The following CHODL variants were observed in gnomAD, a reference collection of about 807,000 sequenced individuals.
CHODL encodes transmembrane protein MT75.
CHODL carries 29 observed loss-of-function variants against 34.5 expected under a neutral mutation model. The observed-to-expected ratio is 0.84, with a 90% CI of 0.63 to 1.15. The LOEUF (loss-of-function observed/expected upper bound fraction) is 1.15. Among genes scored for constraint, CHODL ranks in the 50% most tolerant of loss-of-function variants. CHODL has a pLI of 0.00. For missense variants in CHODL, 332 were observed against 332.5 expected (o/e 1.00, Z 0.01); for synonymous variants, 125 against 116.1 (o/e 1.08, Z -0.49).
intron 1 of CHODL, among the ~76,000 whole-genome samples, chr21:17,951,245 C>A (rs1040926019): frequency 1.3e-5 from 2 of 151,926 alleles, no homozygotes; most frequent in African/African-American, 4.8e-5. Context: ...AGCCTAGGAT[C>A]CAATTTCCTG....
intron 2 of CHODL, among the ~76,000 whole-genome samples, chr21:18,104,456 G>GTGTGAGTCAAC (rs1421871549): frequency 6.6e-6 from 1 of 152,168 alleles, no homozygotes; most frequent in Non-Finnish European, 1.5e-5. Context: ...CCATGCTGAA[G>GTGTGAGTCAAC]TGTGAGTCAA....
rs1491554585 is a variant in CHODL, at chr21:18,084,919, TAG to T, written c.-45+56949_-45+56950del. On this transcript the variant is annotated intron_variant, in intron 2 of 6. Transcript: ENST00000400127. ...CTATCTCTTTTGTTAGGTCTAGTAATAGTGTGTGTGTGTGTGTGTGTGTGTGT... is the reference window on the plus strand; with the variant it reads ...CTATCTCTTTTGTTAGGTCTAGTAATTGTGTGTGTGTGTGTGTGTGTGTGT... Among the ~76,000 whole-genome samples the T allele has an allele frequency of 3.0e-3, 381 of 128,262 alleles. 1 individual carries two copies. Among genetic ancestry groups the T allele is most frequent in the Non-Finnish European group, 4.4e-3 (287 of 64,920 alleles). The allele number at this position is 128,262 out of a possible 152,430, so 84.1% of individuals were successfully genotyped here.
At chr21:18,101,398 A>G (rs1000456096) in intron 2 of CHODL, among the ~76,000 whole-genome samples, 3 of 152,140 alleles carry the variant, frequency 2.0e-5, no homozygotes, top group African/African-American at 7.2e-5. Flanking sequence ...TTGCAGTTTT[A>G]AAGGTGTGCT....
intron 1 of CHODL, among the ~76,000 whole-genome samples, chr21:18,012,174 T>A (rs2064025426): frequency 6.6e-6 from 1 of 152,186 alleles, no homozygotes; most frequent in Non-Finnish European, 1.5e-5. Context: ...GTGTGAGTGT[T>A]TGGGCATTCA....
intron 2 of CHODL, among the ~76,000 whole-genome samples, chr21:18,066,723 T>G (rs1356991721): frequency 6.6e-6 from 1 of 152,196 alleles, no homozygotes; most frequent in African/African-American, 2.4e-5. Flanking sequence ...TGTGACTTTA[T>G]TTAGAGATAG....
At chr21:18,114,541 C>T (rs1215508195) in intron 2 of CHODL, among the ~76,000 whole-genome samples, 1 of 152,156 alleles carries the variant, frequency 6.6e-6, no homozygotes, top group Non-Finnish European at 1.5e-5. Flanking sequence ...CAACCTCTGT[C>T]TCCTCGGTTT....
At chr21:18,247,526 C>T (rs2406172) in intron 1 of CHODL, among the ~76,000 whole-genome samples, 42,436 of 151,758 alleles carry the variant, frequency 0.28, 7,758 homozygotes, top group African/African-American at 0.52. Context: ...AGAGCATTAC[C>T]TAAAAATAAA....
At chr21:17,954,223 TAA>T (rs927950785) in intron 1 of CHODL, among the ~76,000 whole-genome samples, 1 of 152,108 alleles carries the variant, frequency 6.6e-6, no homozygotes, top group Non-Finnish European at 1.5e-5. Flanking sequence ...TGGGAAGGCA[TAA>T]AAGTCTTAAG....
chr21:17,958,136 T>C (rs982855832), intron 1 of CHODL, among the ~76,000 whole-genome samples: 1 of 152,182 alleles, frequency 6.6e-6, no homozygotes, highest in South Asian at 2.1e-4. Flanking sequence ...GTTTCCTTGG[T>C]CAAGATGAAG....
At position 18,125,174 on chromosome 21, in the gene CHODL, C is replaced by T. The variant is rs376200162; in HGVS notation, c.-45+97203C>T. Among the ~76,000 whole-genome samples the T allele has an allele frequency of 5.1e-4, 77 of 152,224 alleles. 2 individuals are homozygous for T. The South Asian group carries it at 0.014, about 28-fold the overall frequency. ...TTATGATAAACAAAAAGCTAGCAAA[C>T]AAAAAGTACTTTAGAGCACTGCTAT... On this transcript the variant is annotated intron_variant, in intron 2 of 6. Transcript: ENST00000400127.
At chr21:18,212,700 T>C (rs963823445) in intron 2 of CHODL, among the ~76,000 whole-genome samples, 3 of 152,138 alleles carry the variant, frequency 2.0e-5, no homozygotes, top group African/African-American at 7.2e-5. Context: ...GGAAAAGTTT[T>C]ATAGAAAGCT....
In CHODL at chr21:18,098,616, A is replaced by G. The variant is rs572483258; in HGVS notation, c.-45+70645A>G. On this transcript the variant is annotated intron_variant, in intron 2 of 6. Coordinates refer to the CHODL transcript ENST00000400127. ...TGTGGAGAGAAGAGAACCCTCATAT[A>G]CTGTTGGTGGCAATGTAAATTATTA... is the stretch of plus-strand genomic sequence containing the variant. 8.5e-5 allele frequency among the ~76,000 whole-genome samples: 13 copies of G among 152,260 alleles called. No individual in the cohort carries two copies. The East Asian group carries it at 9.7e-4, about 11-fold the overall frequency.
chr21:18,133,781 T>A (rs1445835053), intron 2 of CHODL, among the ~76,000 whole-genome samples: 2 of 152,136 alleles, frequency 1.3e-5, no homozygotes, highest in African/African-American at 4.8e-5. Flanking sequence ...ACGGGGGTGA[T>A]AGGAATCTTT....
intron 1 of CHODL, among the ~76,000 whole-genome samples, chr21:17,968,675 A>G (rs2063591806): frequency 6.6e-6 from 1 of 152,188 alleles, no homozygotes; most frequent in South Asian, 2.1e-4. Flanking sequence ...CACAGTGACA[A>G]TCACATGGTG....
intron 2 of CHODL, among the ~76,000 whole-genome samples, chr21:18,082,999 T>C (rs2064960596): frequency 6.6e-6 from 1 of 151,784 alleles, no homozygotes; most frequent in Non-Finnish European, 1.5e-5. Context: ...GAACCAAATG[T>C]TAATTGCCAA....
chr21:18,058,496 A>C (rs1734003965), intron 2 of CHODL, among the ~76,000 whole-genome samples: 3 of 152,108 alleles, frequency 2.0e-5, no homozygotes, highest in Admixed American at 2.0e-4. Context: ...GCATATATAC[A>C]CAATGGCCAT....
chr21:17,948,116 C>T (rs989511032), intron 1 of CHODL, among the ~76,000 whole-genome samples: 2 of 152,154 alleles, frequency 1.3e-5, no homozygotes, highest in Middle Eastern at 3.4e-3. Context: ...CACAGACATA[C>T]AGAGTGGAAT....
At chr21:18,037,260 A>G (rs573291194) in intron 2 of CHODL, among the ~76,000 whole-genome samples, 8 of 152,074 alleles carry the variant, frequency 5.3e-5, no homozygotes, top group Admixed American at 1.3e-4. Flanking sequence ...GTAAACAGAA[A>G]GTTGGGCTAA....
intron 1 of CHODL, among the ~76,000 whole-genome samples, chr21:17,944,801 A>G (rs2063392348): frequency 6.6e-6 from 1 of 152,214 alleles, no homozygotes; most frequent in Non-Finnish European, 1.5e-5. Context: ...AAACAGTAAA[A>G]CATTATCCCT....
Sources: allele counts gnomAD v4.1 joint callset (sites outside exome capture counted in the v4.1 genomes callset), GRCh38; gene constraint gnomAD v4.1.1; transcripts MANE v1.5; gene names NCBI Gene and HGNC (gene_info 2026-07-23, HGNC 2026-07-21).